PTPRQ: variants seen among roughly 807,000 people sequenced by gnomAD.
The protein encoded by PTPRQ is phosphatidylinositol phosphatase PTPRQ.
A neutral mutation model predicts 246.0 loss-of-function variants in PTPRQ; 199 were observed. The observed-to-expected ratio is 0.81, with a 90% CI of 0.72 to 0.91. The LOEUF (loss-of-function observed/expected upper bound fraction) is 0.91, where lower values mean the gene tolerates loss of function less well. Ranked by LOEUF, PTPRQ falls within the 40% of genes least tolerant of loss-of-function variation. The pLI, the probability that PTPRQ is intolerant of heterozygous loss-of-function variation, is 0.00. For missense variants in PTPRQ, 2,624 were observed against 2,528.4 expected (o/e 1.04, Z -0.81); for synonymous variants, 869 against 853.2 (o/e 1.02, Z -0.32).
At chr12:80,642,944 A>AAAAAAC (rs1899937833) in intron 35 of PTPRQ, among the ~76,000 whole-genome samples, 1 of 150,228 alleles carries the variant, frequency 6.7e-6, no homozygotes, top group African/African-American at 2.5e-5. Flanking sequence ...AAAAAAAAAA[A>AAAAAAC]AACAATTGAG....
At chr12:80,454,845 T>C (rs555101933) in intron 3 of PTPRQ, among the ~76,000 whole-genome samples, 1 of 152,378 alleles carries the variant, frequency 6.6e-6, no homozygotes, top group South Asian at 2.1e-4. Flanking sequence ...AAACTTAATT[T>C]ATTTTCCAAA....
At chr12:80,583,780 T>C (rs960631779) in intron 25 of PTPRQ, 4 of 152,204 alleles carry the variant, frequency 2.6e-5, no homozygotes, top group Admixed American at 2.6e-4. Context: ...TCTCACAAGC[T>C]GAAGTCAACT....
intron 30 of PTPRQ, among the ~76,000 whole-genome samples, chr12:80,617,517 C>A (rs955513016): frequency 4.6e-5 from 7 of 151,304 alleles, no homozygotes; most frequent in African/African-American, 1.7e-4. Context: ...TTAAATTTAT[C>A]TTTGTTATTC....
In PTPRQ at chr12:80,541,539, C is replaced by G; in HGVS notation, c.3155-16C>G. On this transcript the variant is annotated splice_polypyrimidine_tract_variant and intron_variant, in intron 20 of 44. Transcript: ENST00000644991. Reference sequence around the variant, plus strand: ...GTAACTGATGATTTTTGTATTTTGCCCATTACCTATCATAGTACCTGAAGG... The same window carrying G: ...GTAACTGATGATTTTTGTATTTTGCGCATTACCTATCATAGTACCTGAAGG... 6.9e-7 allele frequency: 1 copy of G among 1,442,810 alleles called. No individual in the cohort carries two copies. Among genetic ancestry groups the G allele is most frequent in the South Asian group, 1.6e-5 (1 of 61,508 alleles). 89.4% of individuals were successfully genotyped at this position (1,442,810 alleles called of 1,614,324 possible).
chr12:80,618,851 A>G (rs975138519), intron 30 of PTPRQ, among the ~76,000 whole-genome samples: 2 of 151,562 alleles, frequency 1.3e-5, no homozygotes, highest in African/African-American at 4.8e-5. Flanking sequence ...CTAGAGCCCC[A>G]TTAGAAAAAG....
rs755745017 is a variant in PTPRQ, at chr12:80,542,259, T to C, written c.3616T>C (p.Leu1206=). ...SFITSDNYII[L]EELSPFTLYS... ...CATTACTTCTGATAATTACATAATATTGGAAGAGCTTTCACCATTTACATT... is the reference window on the plus strand; with the variant it reads ...CATTACTTCTGATAATTACATAATACTGGAAGAGCTTTCACCATTTACATT... The change falls in exon 22 of 45, where the codon TTG becomes CTG. Residue 1206 remains leucine (L), a synonymous_variant. Transcript: ENST00000644991. 1.9e-6 allele frequency: 3 copies of C among 1,550,640 alleles called. No homozygotes were observed. The highest frequency in any genetic ancestry group is 2.6e-6 in the Non-Finnish European group (3 of 1,146,484).
intron 8 of PTPRQ, among the ~76,000 whole-genome samples, chr12:80,475,627 C>A (rs1328499518): frequency 6.6e-6 from 1 of 151,890 alleles, no homozygotes; most frequent in Non-Finnish European, 1.5e-5. Context: ...ATGCTGTTGA[C>A]TCCATTTCCT....
At chr12:80,447,712 G>T (rs558101713) in intron 3 of PTPRQ, among the ~76,000 whole-genome samples, 2 of 150,434 alleles carry the variant, frequency 1.3e-5, no homozygotes, top group African/African-American at 5.0e-5. Context: ...TTGGTTGTAG[G>T]TATGTGACTT....
At chr12:80,638,509 T>TG (rs1192121823) in intron 35 of PTPRQ, among the ~76,000 whole-genome samples, 1 of 152,138 alleles carries the variant, frequency 6.6e-6, no homozygotes, top group African/African-American at 2.4e-5. Context: ...AAAACAAACA[T>TG]GGTGCTTGGT....
intron 33 of PTPRQ, among the ~76,000 whole-genome samples, chr12:80,623,778 C>T (rs1438605363): frequency 1.3e-5 from 2 of 151,980 alleles, no homozygotes; most frequent in African/African-American, 2.4e-5. Flanking sequence ...CAACATGTTC[C>T]GTCAGTTATC....
chr12:80,458,225 T>A (rs1176940351), intron 4 of PTPRQ, among the ~76,000 whole-genome samples: 2 of 152,130 alleles, frequency 1.3e-5, no homozygotes, highest in Non-Finnish European at 2.9e-5. Context: ...AGTACACATC[T>A]AATCTATCAG....
In PTPRQ at chr12:80,484,431, A is replaced by C. The variant is rs1414149085; in HGVS notation, c.1187-2A>C. ...TCTTTTCTTTCTTTCTTTCTTTCTTAGTTCCAGGGGCAGTGTTTGATTTAC... is the reference window on the plus strand; with the variant it reads ...TCTTTTCTTTCTTTCTTTCTTTCTTCGTTCCAGGGGCAGTGTTTGATTTAC... On this transcript the variant is annotated splice_acceptor_variant, in intron 8 of 44. Coordinates refer to ENST00000644991, the MANE Select transcript of PTPRQ (RefSeq NM_001145026.2). LOFTEE classifies it high-confidence loss of function. 16 of 1,510,194 alleles carry C rather than the reference A, an allele frequency of 1.1e-5. No individual in the cohort carries two copies. Among genetic ancestry groups the C allele is most frequent in the Non-Finnish European group, 1.4e-5 (16 of 1,135,968 alleles). 93.5% of individuals were successfully genotyped at this position (1,510,194 alleles called of 1,614,324 possible). A position where few individuals can be genotyped will look rare whatever the true frequency, so the allele number is the denominator to read the frequency against.
intron 8 of PTPRQ, among the ~76,000 whole-genome samples, chr12:80,475,422 A>G (rs1893778574): frequency 6.6e-6 from 1 of 152,042 alleles, no homozygotes; most frequent in African/African-American, 2.4e-5. Flanking sequence ...AAAATTTGTA[A>G]ATGTATCGAC....
intron 14 of PTPRQ, among the ~76,000 whole-genome samples, chr12:80,497,940 T>A (rs910490936): frequency 6.6e-6 from 1 of 152,054 alleles, no homozygotes; most frequent in Non-Finnish European, 1.5e-5. Context: ...AGAAATCTAG[T>A]AAAGTAGCTT....
intron 27 of PTPRQ, among the ~76,000 whole-genome samples, chr12:80,605,695 AG>A (rs1898292067): frequency 6.6e-6 from 1 of 151,176 alleles, no homozygotes; most frequent in Non-Finnish European, 1.5e-5. Context: ...GGTGTAAAAA[AG>A]TAAGCCTCAT....
chr12:80,654,899 T>C (rs1900382263), intron 38 of PTPRQ, among the ~76,000 whole-genome samples: 1 of 151,824 alleles, frequency 6.6e-6, no homozygotes, highest in Middle Eastern at 3.4e-3. Context: ...TATATCAGTA[T>C]ATATAAAGTA....
chr12:80,657,769 A>G (rs1211959319), intron 38 of PTPRQ, among the ~76,000 whole-genome samples: 1 of 151,930 alleles, frequency 6.6e-6, no homozygotes, highest in Non-Finnish European at 1.5e-5. Context: ...TATAAAGAAT[A>G]TGTATAGAAA....
intron 17 of PTPRQ, among the ~76,000 whole-genome samples, chr12:80,525,172 T>TTCAG (rs1895643788): frequency 6.6e-6 from 1 of 152,142 alleles, no homozygotes; most frequent in South Asian, 2.1e-4. Context: ...GTAGAGCTTG[T>TTCAG]TCAGGGAGAA....
At chr12:80,458,584 A>G (rs1893049485) in intron 4 of PTPRQ, among the ~76,000 whole-genome samples, 1 of 151,914 alleles carries the variant, frequency 6.6e-6, no homozygotes, top group Non-Finnish European at 1.5e-5. Flanking sequence ...ATTTCTTTCA[A>G]AAATGACTTG....
Sources: gnomAD v4.1 joint callset for allele counts (sites outside exome capture counted in the v4.1 genomes callset) on GRCh38, gnomAD v4.1.1 for gene constraint, MANE v1.5 for transcripts, NCBI Gene and HGNC (gene_info 2026-07-23, HGNC 2026-07-21) for gene names.